MIDEAS: variants seen among roughly 807,000 people sequenced by gnomAD.
MIDEAS encodes mitotic deacetylase associated SANT domain protein.
A neutral mutation model predicts 102.7 loss-of-function variants in MIDEAS; 26 were observed. The ratio of observed to expected loss-of-function variants is 0.25; its 90% CI spans 0.19 to 0.35. The LOEUF (loss-of-function observed/expected upper bound fraction) is 0.35, where lower values mean the gene tolerates loss of function less well. Among genes scored for constraint, MIDEAS ranks in the 10% least tolerant of loss-of-function variants. The pLI, the probability that MIDEAS is intolerant of heterozygous loss-of-function variation, is 1.00. For missense variants in MIDEAS, 1,231 were observed against 1,435.6 expected (o/e 0.86, Z 2.30); for synonymous variants, 585 against 591.0 (o/e 0.99, Z 0.15).
intron 9 of MIDEAS, chr14:73,724,076 T>C (rs1221020029): frequency 6.6e-6 from 1 of 152,228 alleles, no homozygotes; most frequent in Non-Finnish European, 1.5e-5. Context: ...CATGTGTAAA[T>C]AGCAAATGGG....
upstream of MIDEAS, among the ~76,000 whole-genome samples, chr14:73,789,481 A>G (rs1167297090): frequency 6.6e-6 from 1 of 152,196 alleles, no homozygotes; most frequent in Non-Finnish European, 1.5e-5. Context: ...CTTCAGGCAG[A>G]GGCACCCAGC....
At chr14:73,772,166 T>C (rs1327524062) in intron 1 of MIDEAS, among the ~76,000 whole-genome samples, 1 of 152,254 alleles carries the variant, frequency 6.6e-6, no homozygotes, top group Non-Finnish European at 1.5e-5. Context: ...GCAGTGCCGG[T>C]AGCTGATAAA....
At position 73,734,118 on chromosome 14, in the gene MIDEAS, G is replaced by A. The variant is rs568143996; in HGVS notation, c.1749+2880C>T. Among the ~76,000 whole-genome samples, 21 of 151,868 alleles carry A rather than the reference G, an allele frequency of 1.4e-4. No individual in the cohort carries two copies. The East Asian group carries it at 3.9e-3, about 28-fold the overall frequency. On this transcript the variant is annotated intron_variant, in intron 3 of 12. Coordinates refer to ENST00000423556, the MANE Select transcript of MIDEAS (RefSeq NM_001367710.1). ...TCCTGCCTCAGCCTCCCAAGTAGCT[G>A]GGATTACAGGTGCACACCACCACGC...
rs1339314966 is a variant in MIDEAS at position 73,738,952 on chromosome 14, C to G, written c.1057G>C (p.Gly353Arg). ...TCCAGGGCGCTGGGAGGCAGGATAC[C>G]CTCCTTAGAGAGGCGGCGGGAGCGG... ...PRRSRRLSKEGILPPSALDGA... is the reference protein window; with the variant it reads ...PRRSRRLSKERILPPSALDGA... Residue 353 changes from glycine to arginine, a missense_variant, in exon 2 of 13, where the codon GGT becomes CGT. Gly to Arg is a moderately radical substitution (Grantham distance 125). This residue lies in a region of MIDEAS where 758 missense variants were observed against 856.0 expected (regional missense o/e 0.89). Coordinates refer to ENST00000423556, the MANE Select transcript of MIDEAS (RefSeq NM_001367710.1). 1.3e-6 allele frequency: 2 copies of G among 1,529,840 alleles called. No homozygotes were observed. The highest frequency in any genetic ancestry group is 1.8e-6 in the Non-Finnish European group (2 of 1,140,966). 94.8% of individuals were successfully genotyped at this position (1,529,840 alleles called of 1,614,324 possible).
chr14:73,775,114 A>C (rs1418189824), intron 1 of MIDEAS, among the ~76,000 whole-genome samples: 1 of 151,994 alleles, frequency 6.6e-6, no homozygotes, highest in East Asian at 1.9e-4. Context: ...AGACAACAAT[A>C]AGCAAAGGCC....
intron 3 of MIDEAS, among the ~76,000 whole-genome samples, chr14:73,735,130 T>C (rs1457260317): frequency 6.6e-6 from 1 of 152,186 alleles, no homozygotes; most frequent in East Asian, 1.9e-4. Context: ...GAGATGCTGG[T>C]CAAACGAAAT....
chr14:73,768,511 CTTTTTTT>C (rs59819061), intron 1 of MIDEAS, among the ~76,000 whole-genome samples: 19 of 138,394 alleles, frequency 1.4e-4, no homozygotes, highest in East Asian at 4.7e-4. Context: ...TTATTGCCAA[CTTTTTTT>C]TTTTTTTTTT....
intron 1 of MIDEAS, among the ~76,000 whole-genome samples, chr14:73,770,493 G>A (rs929598005): frequency 4.6e-5 from 7 of 152,172 alleles, no homozygotes; most frequent in Non-Finnish European, 1.0e-4. Flanking sequence ...AAAGAAGAAG[G>A]AATGTAAACC....
chr14:73,756,279 T>TGC (rs2053478634), intron 1 of MIDEAS, among the ~76,000 whole-genome samples: 1 of 89,592 alleles, frequency 1.1e-5, no homozygotes, highest in African/African-American at 4.5e-5. Context: ...TGTGTGTGTG[T>TGC]GTGTGTGTGT....
At chr14:73,735,268 A>C (rs2053187371) in intron 3 of MIDEAS, among the ~76,000 whole-genome samples, 1 of 152,252 alleles carries the variant, frequency 6.6e-6, no homozygotes, top group Admixed American at 6.5e-5. Flanking sequence ...TTCTCACCAC[A>C]AAAAAATAAG....
At chr14:73,723,768 T>C (rs1298528877) in intron 9 of MIDEAS, 1 of 152,212 alleles carries the variant, frequency 6.6e-6, no homozygotes, top group African/African-American at 2.4e-5. Context: ...AACTGAAAAG[T>C]TGAGGGAAAA....
At chr14:73,755,764 C>T (rs2053472041) in intron 1 of MIDEAS, among the ~76,000 whole-genome samples, 1 of 152,192 alleles carries the variant, frequency 6.6e-6, no homozygotes, top group Non-Finnish European at 1.5e-5. Flanking sequence ...TTCATTTATA[C>T]AAGCTTCAGT....
rs543484862 is a variant in MIDEAS, at chr14:73,723,320, A to T, written c.2575-473T>A. On this transcript the variant is annotated intron_variant, in intron 9 of 12. Transcript: ENST00000423556. The stretch of plus-strand genomic sequence containing the variant: ...CCACCACAACCAGCTAGTTTTTTTT[A>T]AATATTTTTAGTAGACATGGGGTTT... The T allele has an allele frequency of 2.6e-5, 4 of 154,234 alleles. No individual in the cohort carries two copies. The South Asian group carries it at 5.9e-4, about 23-fold the overall frequency. The allele number at this position is 154,234 out of a possible 1,614,324, so 9.6% of individuals were successfully genotyped here. A position where few individuals can be genotyped will look rare whatever the true frequency, so the allele number is the denominator to read the frequency against.
At chr14:73,724,937 AT>A (rs2053041055) in intron 9 of MIDEAS, 1 of 241,822 alleles carries the variant, frequency 4.1e-6, no homozygotes, top group South Asian at 4.9e-5. Context: ...CTCCCCCTGC[AT>A]CTTCCTCTGG....
Position 73,718,728 on chromosome 14 carries a change from A to C in MIDEAS, c.*115T>G. On this transcript the variant is annotated 3_prime_UTR_variant, in exon 13 of 13. Coordinates refer to ENST00000423556, the MANE Select transcript of MIDEAS (RefSeq NM_001367710.1). ...TCATTGTCTCATTTGTTTCGCAGGG[A>C]AAAGTCCCTGCAATCCTCTCCTCAC... 9.1e-7 allele frequency: 1 copy of C among 1,103,524 alleles called. No homozygotes were observed. The highest frequency in any genetic ancestry group is 1.2e-6 in the Non-Finnish European group (1 of 847,312). The allele number at this position is 1,103,524 out of a possible 1,614,324, so 68.4% of individuals were successfully genotyped here. A position where few individuals can be genotyped will look rare whatever the true frequency, so the allele number is the denominator to read the frequency against.
At chr14:73,719,155 C>T (rs2052944589) in intron 12 of MIDEAS, 147 bp from the exon 13 acceptor site, 1 of 1,469,756 alleles carries the variant, frequency 6.8e-7, no homozygotes, top group Non-Finnish European at 9.0e-7. Flanking sequence ...AAAGCTGCCC[C>T]ATGACGTCAC....
intron 1 of MIDEAS, among the ~76,000 whole-genome samples, chr14:73,767,237 T>C (rs2053599663): frequency 6.6e-6 from 1 of 152,202 alleles, no homozygotes. Context: ...ATTAGTATTA[T>C]CAATAACTAT....
chr14:73,725,698 G>C lies in MIDEAS; in HGVS notation c.2485+335C>G, dbSNP rs185981321. Among the ~76,000 whole-genome samples the C allele has an allele frequency of 2.4e-3, 371 of 152,302 alleles. 1 individual carries two copies. Among genetic ancestry groups the C allele is most frequent in the African/African-American group, 7.8e-3 (325 of 41,564 alleles). On this transcript the variant is annotated intron_variant, in intron 8 of 12. Transcript: ENST00000423556. This position sits in a 1 kb window ranked among gnomAD's most constrained non-coding sequence, Gnocchi z 4.1. ...TGACTCGGTCCATGTCCTTCTTAAA[G>C]TGACCAGAACAGGACATGCACTCCT...
rs779234692 is a variant in MIDEAS, at chr14:73,739,009, C to G, written c.1000G>C (p.Ala334Pro). The G allele has an allele frequency of 7.8e-6, 12 of 1,539,474 alleles. No homozygotes were observed. The highest frequency in any genetic ancestry group is 1.0e-5 in the Non-Finnish European group (12 of 1,143,012). ...AAGGGGATCTGGACCTGAGGTAGCG[C>G]TGGCTGCGGGGCTGAGTCCTGCAGA... ...ALLQDSAPQP[A>P]LPQVQIPFPR... Residue 334 changes from alanine to proline, a missense_variant, in exon 2 of 13, where the codon GCG becomes CCG. Ala to Pro is a conservative substitution (Grantham distance 27). Coordinates refer to ENST00000423556, the MANE Select transcript of MIDEAS (RefSeq NM_001367710.1).
Sources: gnomAD v4.1 joint callset for allele counts (sites outside exome capture counted in the v4.1 genomes callset) on GRCh38, gnomAD v4.1.1 for gene constraint, gnomAD v4.1.1 regional missense constraint, Gnocchi (gnomAD v3.1) non-coding constraint, MANE v1.5 for transcripts, NCBI Gene and HGNC (gene_info 2026-07-23, HGNC 2026-07-21) for gene names.